The following RALA variants were observed in gnomAD, a reference collection of about 807,000 sequenced individuals.
The protein encoded by RALA is ras-related protein Ral-A.
A neutral mutation model predicts 24.0 loss-of-function variants in RALA; 5 were observed. That is an observed-to-expected ratio of 0.21 (90% CI 0.11 to 0.44). RALA has a LOEUF of 0.44. Among genes scored for constraint, RALA ranks in the 20% least tolerant of loss-of-function variants. The pLI, the probability that RALA is intolerant of heterozygous loss-of-function variation, is 0.99. For synonymous variants in RALA, 77 were observed against 83.8 expected (o/e 0.92, Z 0.44); for missense variants, 95 against 241.2 (o/e 0.39, Z 4.01).
intron 4 of RALA, chr7:39,700,673 A>T (rs956471900): frequency 6.6e-6 from 1 of 152,254 alleles, no homozygotes; most frequent in Non-Finnish European, 1.5e-5. Flanking sequence ...CTCTTGATGA[A>T]AAGTGGCAGG....
chr7:39,637,117 G>C, intron 1 of RALA, among the ~76,000 whole-genome samples: 1 of 152,198 alleles, frequency 6.6e-6, no homozygotes, highest in Non-Finnish European at 1.5e-5. Flanking sequence ...TAAGAGTAAT[G>C]AAGGGGAATT....
intron 1 of RALA, among the ~76,000 whole-genome samples, chr7:39,656,274 G>A (rs2107710): frequency 0.67 from 101,930 of 152,080 alleles, 34,825 homozygotes; most frequent in African/African-American, 0.8. Flanking sequence ...ATTTAGGCCA[G>A]AGTATTTAGT....
At chr7:39,692,777 C>G (rs1047660388) in intron 3 of RALA, among the ~76,000 whole-genome samples, 4 of 152,266 alleles carry the variant, frequency 2.6e-5, no homozygotes, top group Middle Eastern at 3.4e-3. Context: ...AAATTAATGA[C>G]TATATATACA....
chr7:39,657,644 A>G (rs2115985971), intron 1 of RALA, among the ~76,000 whole-genome samples: 1 of 152,260 alleles, frequency 6.6e-6, no homozygotes, highest in South Asian at 2.1e-4. Flanking sequence ...AAATGCAGCC[A>G]GACATGGTGG....
chr7:39,684,780 GCATT>G (rs2116061987), intron 1 of RALA, among the ~76,000 whole-genome samples: 1 of 152,092 alleles, frequency 6.6e-6, no homozygotes, highest in East Asian at 1.9e-4. Context: ...TTTGTGTTGG[GCATT>G]CAAAGGGCCG....
At chr7:39,649,224 T>C (rs1053233997) in intron 1 of RALA, among the ~76,000 whole-genome samples, 30 of 152,160 alleles carry the variant, frequency 2.0e-4, no homozygotes, top group African/African-American at 5.6e-4. Context: ...AGTTGCCTAT[T>C]AGACAACTAG....
intron 1 of RALA, among the ~76,000 whole-genome samples, chr7:39,652,332 G>C (rs962204823): frequency 6.6e-6 from 1 of 152,160 alleles, no homozygotes; most frequent in Admixed American, 6.5e-5. Flanking sequence ...CATTCAAACT[G>C]TAATAGCCAT....
intron 1 of RALA, among the ~76,000 whole-genome samples, chr7:39,646,358 G>T (rs989802267): frequency 2.0e-5 from 3 of 151,958 alleles, no homozygotes; most frequent in Non-Finnish European, 4.4e-5. Flanking sequence ...GAACAGACTG[G>T]GCACAGTGGC....
At chr7:39,705,426 G>A (rs972021378) in intron 4 of RALA, among the ~76,000 whole-genome samples, 2 of 152,222 alleles carry the variant, frequency 1.3e-5, no homozygotes, top group East Asian at 3.8e-4. Context: ...TGGAGTAGGA[G>A]TGTGAGTGTG....
chr7:39,701,265 C>G (rs997045702), intron 4 of RALA, among the ~76,000 whole-genome samples: 2 of 152,218 alleles, frequency 1.3e-5, no homozygotes, highest in African/African-American at 4.8e-5. Context: ...AATCCCTGCA[C>G]TCTGGTAGGC....
chr7:39,640,915 C>G (rs75376854), intron 1 of RALA, among the ~76,000 whole-genome samples: 1 of 152,288 alleles, frequency 6.6e-6, no homozygotes, highest in Non-Finnish European at 1.5e-5. Context: ...TCTTCTACTT[C>G]CTTCTCCATT....
chr7:39,629,084 A>G (rs1426161529), intron 1 of RALA, among the ~76,000 whole-genome samples: 2 of 152,252 alleles, frequency 1.3e-5, no homozygotes, highest in African/African-American at 4.8e-5. Context: ...AACTTTGTGT[A>G]CATGTATCTT....
At chr7:39,660,935 C>A (rs1324385491) in intron 1 of RALA, among the ~76,000 whole-genome samples, 1 of 151,918 alleles carries the variant, frequency 6.6e-6, no homozygotes, top group Non-Finnish European at 1.5e-5. Context: ...AAAGACATAC[C>A]CAAGAGTGAG....
chr7:39,687,668 GT>G (rs1436163744), intron 2 of RALA, among the ~76,000 whole-genome samples: 1 of 152,148 alleles, frequency 6.6e-6, no homozygotes, highest in East Asian at 1.9e-4. Flanking sequence ...TGATTTAAGA[GT>G]TGGTAATCCA....
At position 39,675,248 on chromosome 7, in the gene RALA, C is replaced by G. The variant is rs1792463343; in HGVS notation, c.-37-11383C>G. Among the ~76,000 whole-genome samples the G allele has an allele frequency of 2.6e-5, 4 of 152,124 alleles. No individual in the cohort carries two copies. The South Asian group carries it at 8.3e-4, about 32-fold the overall frequency. ...TGCAGCTGAAGAGAGCTAGCAGGGT[C>G]CTGGGGATGCTGAATAAACTGTATT... is the stretch of plus-strand genomic sequence containing the variant. On this transcript the variant is annotated intron_variant, in intron 1 of 4. Transcript: ENST00000005257.
At chr7:39,627,284 G>C (rs1297763956) in intron 1 of RALA, among the ~76,000 whole-genome samples, 1 of 152,096 alleles carries the variant, frequency 6.6e-6, no homozygotes, top group East Asian at 1.9e-4. Context: ...GTGAGAATTT[G>C]CATCTTTGAT....
intron 1 of RALA, among the ~76,000 whole-genome samples, chr7:39,654,328 CTCTT>C (rs768446312): frequency 1.3e-5 from 2 of 152,126 alleles, no homozygotes; most frequent in Non-Finnish European, 1.5e-5. Context: ...GTCTCCAATC[CTCTT>C]TCTTTATCTG....
intron 1 of RALA, among the ~76,000 whole-genome samples, chr7:39,637,367 C>T (rs1387832746): frequency 6.6e-6 from 1 of 152,164 alleles, no homozygotes; most frequent in East Asian, 1.9e-4. Flanking sequence ...GAGAGGACGG[C>T]TATTCTTCCA....
chr7:39,648,492 C>T (rs1791965962), intron 1 of RALA, among the ~76,000 whole-genome samples: 1 of 151,660 alleles, frequency 6.6e-6, no homozygotes, highest in Admixed American at 6.6e-5. Flanking sequence ...CAGGCACTAT[C>T]TAAGGTAGTG....
Sources: gnomAD v4.1 joint callset for allele counts (sites outside exome capture counted in the v4.1 genomes callset) on GRCh38, gnomAD v4.1.1 for gene constraint, MANE v1.5 for transcripts, NCBI Gene and HGNC (gene_info 2026-07-23, HGNC 2026-07-21) for gene names.